GNG12: variants seen among roughly 807,000 people sequenced by gnomAD.
The protein encoded by GNG12 is guanine nucleotide-binding protein G(I)/G(S)/G(O) subunit gamma-12.
For synonymous variants in GNG12, 28 were observed against 29.7 expected (o/e 0.94, Z 0.19); for missense variants, 69 against 83.8 (o/e 0.82, Z 0.69).
chr1:67,737,304 T>C (rs141389169), intron 2 of GNG12, among the ~76,000 whole-genome samples: 5 of 152,350 alleles, frequency 3.3e-5, no homozygotes, highest in Admixed American at 3.3e-4. Context: ...TCATAATTAA[T>C]CATTATAAAA....
At chr1:67,828,597 T>G (rs1388295220) in intron 1 of GNG12, among the ~76,000 whole-genome samples, 1 of 152,192 alleles carries the variant, frequency 6.6e-6, no homozygotes, top group Non-Finnish European at 1.5e-5. Flanking sequence ...GTAATTAGTT[T>G]TTATCTATCC....
At chr1:67,759,840 ACT>A (rs756525753) in intron 2 of GNG12, among the ~76,000 whole-genome samples, 3 of 152,096 alleles carry the variant, frequency 2.0e-5, no homozygotes, top group Non-Finnish European at 2.9e-5. Context: ...TGTATAAAAC[ACT>A]CTGCTTTGTG....
intron 2 of GNG12, among the ~76,000 whole-genome samples, chr1:67,709,121 T>G (rs1274605431): frequency 1.3e-5 from 2 of 152,254 alleles, no homozygotes; most frequent in East Asian, 3.8e-4. Context: ...TGCTTTTAAC[T>G]GTGTGCAAAA....
intron 1 of GNG12, among the ~76,000 whole-genome samples, chr1:67,787,141 G>A (rs2100778254): frequency 6.6e-6 from 1 of 150,850 alleles, no homozygotes. Flanking sequence ...AGCTCCAGTG[G>A]CACATAATCT....
At chr1:67,781,508 C>T (rs1272059941) in intron 1 of GNG12, among the ~76,000 whole-genome samples, 2 of 152,094 alleles carry the variant, frequency 1.3e-5, no homozygotes, top group Non-Finnish European at 2.9e-5. Flanking sequence ...AACACGTATA[C>T]AAATAAGTAA....
At chr1:67,832,905 G>A (rs1186110899) in intron 1 of GNG12, among the ~76,000 whole-genome samples, 2 of 152,212 alleles carry the variant, frequency 1.3e-5, no homozygotes, top group South Asian at 2.1e-4. Context: ...CACAAGCCAC[G>A]GCTGGGAACA....
At chr1:67,809,181 A>C (rs1019643049) in intron 1 of GNG12, among the ~76,000 whole-genome samples, 2 of 152,134 alleles carry the variant, frequency 1.3e-5, no homozygotes, top group Non-Finnish European at 2.9e-5. Flanking sequence ...GTGGAGCAAA[A>C]ATAGTATTTT....
Position 67,803,826 on chromosome 1 carries a change from C to T in GNG12, c.-76-26319G>A, listed in dbSNP as rs185286522. Among the ~76,000 whole-genome samples the T allele has an allele frequency of 1.0e-3, 156 of 152,128 alleles. 1 individual carries two copies. Among genetic ancestry groups the T allele is most frequent in the Non-Finnish European group, 1.9e-3 (130 of 68,028 alleles). On this transcript the variant is annotated intron_variant, in intron 1 of 3. Transcript: ENST00000370982. ...TGAGCAGAGGAGGCAGGCCTGAACA[C>T]ATCTGTTAGAGGAGGGAATGATGTT...
rs1646226610 is a variant in GNG12, at chr1:67,703,406, T to C, written c.*2045A>G. On this transcript the variant is annotated 3_prime_UTR_variant, in exon 4 of 4. Coordinates refer to ENST00000370982, the MANE Select transcript of GNG12 (RefSeq NM_018841.6). Reference sequence around the variant, plus strand: ...TAATAAAAGTAATTTTTCATGAAAATATTTTGAAAGAAGCTACATTATAAA... The same window carrying C: ...TAATAAAAGTAATTTTTCATGAAAACATTTTGAAAGAAGCTACATTATAAA... The C allele has an allele frequency of 6.6e-6, 1 of 152,134 alleles. No individual in the cohort carries two copies. The highest frequency in any genetic ancestry group is 1.5e-5 in the Non-Finnish European group (1 of 68,018). 9.4% of individuals were successfully genotyped at this position (152,134 alleles called of 1,614,324 possible).
chr1:67,778,434 C>T lies in GNG12; in HGVS notation c.-76-927G>A, dbSNP rs12142147. Among the ~76,000 whole-genome samples the T allele has an allele frequency of 3.4e-3, 521 of 152,152 alleles. 2 individuals are homozygous for T. Among genetic ancestry groups the T allele is most frequent in the Admixed American group, 6.7e-3 (102 of 15,262 alleles). ...GGTATTGGTAAGGCTTCAAGAAGTC[C>T]GACGCATATGAAGATCTTATTCACC... is the stretch of plus-strand genomic sequence containing the variant. On this transcript the variant is annotated intron_variant, in intron 1 of 3. Transcript: ENST00000370982.
chr1:67,740,837 T>A (rs1290070458), intron 2 of GNG12, among the ~76,000 whole-genome samples: 1 of 152,212 alleles, frequency 6.6e-6, no homozygotes, highest in African/African-American at 2.4e-5. Flanking sequence ...AGACATCGAA[T>A]CTGCTAGAGC....
intron 2 of GNG12, among the ~76,000 whole-genome samples, chr1:67,725,647 A>G (rs538568953): frequency 6.6e-6 from 1 of 152,336 alleles, no homozygotes; most frequent in South Asian, 2.1e-4. Context: ...CTTCTTTTTA[A>G]AAGTGTTACT....
At chr1:67,792,122 T>C (rs1036293753) in intron 1 of GNG12, among the ~76,000 whole-genome samples, 11 of 152,268 alleles carry the variant, frequency 7.2e-5, no homozygotes, top group South Asian at 2.1e-4. Context: ...CTGCTTTGCT[T>C]TTCTTCTTGG....
rs115614003 is a variant in GNG12, at chr1:67,738,768, C to T, written c.-26-31056G>A. On this transcript the variant is annotated intron_variant, in intron 2 of 3. Coordinates refer to ENST00000370982, the MANE Select transcript of GNG12 (RefSeq NM_018841.6). ...TGGCATGTGCCTGTGGTCTTAGCTACTCCTGAAGCTGGGGGCATGAGGATT... is the reference window on the plus strand; with the variant it reads ...TGGCATGTGCCTGTGGTCTTAGCTATTCCTGAAGCTGGGGGCATGAGGATT... Among the ~76,000 whole-genome samples, 678 of 152,302 alleles carry T rather than the reference C, an allele frequency of 4.5e-3. 4 individuals carry two copies. Among genetic ancestry groups the T allele is most frequent in the Non-Finnish European group, 6.7e-3 (455 of 68,026 alleles).
intron 1 of GNG12, among the ~76,000 whole-genome samples, chr1:67,790,557 G>A (rs983142461): frequency 1.2e-4 from 18 of 151,364 alleles, no homozygotes; most frequent in African/African-American, 4.4e-4. Flanking sequence ...TTATGTATCT[G>A]CATCGACAAC....
intron 2 of GNG12, among the ~76,000 whole-genome samples, chr1:67,766,107 C>CACAG (rs918626938): frequency 2.7e-4 from 2 of 7,542 alleles, no homozygotes; most frequent in African/African-American, 1.6e-3. Context: ...GGCACACACG[C>CACAG]ACACACACAC....
At chr1:67,760,488 G>GGAC (rs1444093238) in intron 2 of GNG12, among the ~76,000 whole-genome samples, 2 of 152,160 alleles carry the variant, frequency 1.3e-5, no homozygotes, top group Non-Finnish European at 2.9e-5. Flanking sequence ...AAAGGCTGAT[G>GGAC]GACGGGTGAT....
At chr1:67,741,497 C>G (rs1646482574) in intron 2 of GNG12, among the ~76,000 whole-genome samples, 1 of 152,190 alleles carries the variant, frequency 6.6e-6, no homozygotes, top group African/African-American at 2.4e-5. Flanking sequence ...CTCTGTTTGC[C>G]AAGAGGGGAA....
At chr1:67,827,599 G>A (rs1647018611) in intron 1 of GNG12, among the ~76,000 whole-genome samples, 1 of 151,978 alleles carries the variant, frequency 6.6e-6, no homozygotes, top group Admixed American at 6.5e-5. Context: ...CTAATTTTTT[G>A]TATTTTTAGT....
Sources: allele counts gnomAD v4.1 joint callset (sites outside exome capture counted in the v4.1 genomes callset), GRCh38; gene constraint gnomAD v4.1.1; transcripts MANE v1.5; gene names NCBI Gene and HGNC (gene_info 2026-07-23, HGNC 2026-07-21).